The following GYS1 variants were observed in gnomAD, a reference collection of about 807,000 sequenced individuals.
The protein encoded by GYS1 is glycogen [starch] synthase, muscle.
GYS1 carries 60 observed loss-of-function variants against 89.1 expected under a neutral mutation model. The ratio of observed to expected loss-of-function variants is 0.67; its 90% CI spans 0.55 to 0.84. The LOEUF (loss-of-function observed/expected upper bound fraction) is 0.84, where lower values mean the gene tolerates loss of function less well. GYS1 is among the 40% of genes least tolerant of loss of function. GYS1 has a pLI of 0.00. For synonymous variants in GYS1, 366 were observed against 401.7 expected (o/e 0.91, Z 1.06); for missense variants, 888 against 1,003.1 (o/e 0.89, Z 1.55).
intron 6 of GYS1, 27 bp downstream of exon 6, chr19:48,982,691 CTT>C (rs1568622605): frequency 2.1e-6 from 3 of 1,452,228 alleles, no homozygotes; most frequent in Non-Finnish European, 2.9e-6. Flanking sequence ...GCCCTCCTCT[CTT>C]AAGACCTAGG....
intron 12 of GYS1, among the ~76,000 whole-genome samples, chr19:48,972,632 C>T (rs2038583397): frequency 2.6e-5 from 4 of 152,000 alleles, no homozygotes; most frequent in African/African-American, 9.6e-5. Context: ...GTGCCTGCCA[C>T]CACCCCCAGC....
In GYS1 at chr19:48,991,895, G is replaced by A. The variant is rs1026797464; in HGVS notation, c.119-412C>T. Among the ~76,000 whole-genome samples, 29 of 152,094 alleles carry A rather than the reference G, an allele frequency of 1.9e-4. No homozygotes were observed. The highest frequency in any genetic ancestry group is 6.0e-4 in the African/African-American group (25 of 41,466). ...AGCTCACAGGAGCTGGGTTTAAATCGCAGCCAGGCTCCAAAACCCAGTGAG... is the reference window on the plus strand; with the variant it reads ...AGCTCACAGGAGCTGGGTTTAAATCACAGCCAGGCTCCAAAACCCAGTGAG... On this transcript the variant is annotated intron_variant, in intron 1 of 15. Coordinates refer to ENST00000323798, the MANE Select transcript of GYS1 (RefSeq NM_002103.5). This position sits in a 1 kb window ranked among gnomAD's most constrained non-coding sequence, Gnocchi z 4.7.
chr19:48,978,163 G>C lies in GYS1; in HGVS notation c.1170-6C>G. The C allele has an allele frequency of 6.2e-7, 1 of 1,612,646 alleles. No homozygotes were observed. The highest frequency in any genetic ancestry group is 1.3e-5 in the African/African-American group (1 of 74,996). ...TCACCGTGTTGGCCGTGTCCCTGGA[G>C]GAAGCAGAGCAACAGGGTCACATAC... On this transcript the variant is annotated splice_polypyrimidine_tract_variant and splice_region_variant and intron_variant, in intron 8 of 15. Coordinates refer to ENST00000323798, the MANE Select transcript of GYS1 (RefSeq NM_002103.5).
At chr19:48,973,269 G>C (rs2038593530) in intron 12 of GYS1, among the ~76,000 whole-genome samples, 1 of 151,882 alleles carries the variant, frequency 6.6e-6, no homozygotes, top group Non-Finnish European at 1.5e-5. Context: ...GGCCTCTCCA[G>C]ACATGTGGAA....
rs1412438702 is a variant in GYS1 at position 48,982,295 on chromosome 19, A to G, written c.1022T>C (p.Val341Ala). The G allele has an allele frequency of 2.5e-6, 4 of 1,613,660 alleles. No individual in the cohort carries two copies. The highest frequency in any genetic ancestry group is 3.4e-6 in the Non-Finnish European group (4 of 1,179,816). The change falls in exon 7 of 16, where the codon GTC becomes GCC. Residue 341 changes from valine (V) to alanine (A), a missense_variant. Coordinates refer to ENST00000323798, the MANE Select transcript of GYS1 (RefSeq NM_002103.5). ...GAGCCGAGCCAATGCCTCCAGGAAG[A>G]CGTCAGCACCCTTGTTGGAGAACTC... ...RYEFSNKGAD[V>A]FLEALARLNY...
At position 48,970,978 on chromosome 19, in the gene GYS1, G is replaced by A; in HGVS notation, c.1595C>T (p.Ser532Phe). 6.2e-7 allele frequency: 1 copy of A among 1,614,098 alleles called. No homozygotes were observed. The change falls in exon 13 of 16, where the codon TCC (serine) becomes TTC (phenylalanine). Residue 532 changes from serine (S) to phenylalanine (F), a missense_variant. Coordinates refer to ENST00000323798, the MANE Select transcript of GYS1 (RefSeq NM_002103.5). ...TTCCTCCATGAAGCAGCCGAAGCCG[G>A]AGAGATTGGTGGAGATACTGGGGAT... The part of the protein sequence containing the change: ...MGIPSISTNL[S>F]GFGCFMEEHI...
At chr19:48,985,138 ACCT>A (rs969820908) in intron 5 of GYS1, among the ~76,000 whole-genome samples, 4 of 151,858 alleles carry the variant, frequency 2.6e-5, no homozygotes, top group Non-Finnish European at 4.4e-5. Context: ...TGCACCCTTG[ACCT>A]CCTAGGCTCG....
rs1410379473 is a variant in GYS1 at position 48,968,172 on chromosome 19, C to T, written c.*1116G>A. 2 of 451,066 alleles carry T rather than the reference C, an allele frequency of 4.4e-6. No homozygotes were observed. The highest frequency in any genetic ancestry group is 4.2e-5 in the African/African-American group (2 of 47,500). The allele number at this position is 451,066 out of a possible 1,614,324, so 27.9% of individuals were successfully genotyped here. A position where few individuals can be genotyped will look rare whatever the true frequency, so the allele number is the denominator to read the frequency against. On this transcript the variant is annotated 3_prime_UTR_variant, in exon 16 of 16. Coordinates refer to ENST00000323798, the MANE Select transcript of GYS1 (RefSeq NM_002103.5). Reference sequence around the variant, plus strand: ...ATTTTTTTCATCTCATCTCCGGACACACTCCAATCACACCCCTCCTGCCCT... The same window carrying T: ...ATTTTTTTCATCTCATCTCCGGACATACTCCAATCACACCCCTCCTGCCCT...
chr19:48,982,282 T>C lies in GYS1; in HGVS notation c.1035A>G (p.Ala345=). ...SNKGADVFLE[A]LARLNYLLRV... is the part of the protein sequence containing the mutation. ...TGAGCAGATAGTTGAGCCGAGCCAATGCCTCCAGGAAGACGTCAGCACCCT... is the reference window on the plus strand; with the variant it reads ...TGAGCAGATAGTTGAGCCGAGCCAACGCCTCCAGGAAGACGTCAGCACCCT... The change falls in exon 7 of 16, where the codon GCA becomes GCG. Residue 345 remains alanine (A), a synonymous_variant. Transcript: ENST00000323798. 2 of 1,613,830 alleles carry C rather than the reference T, an allele frequency of 1.2e-6. No homozygotes were observed. Among genetic ancestry groups the C allele is most frequent in the Non-Finnish European group, 1.7e-6 (2 of 1,179,870 alleles).
intron 13 of GYS1, 46 bp downstream of exon 13, chr19:48,970,882 T>G (rs1160279279): frequency 3.3e-6 from 5 of 1,498,586 alleles, no homozygotes; most frequent in African/African-American, 1.4e-5. Flanking sequence ...CAGGAGTCAC[T>G]GTTCTCAAGC....
intron 12 of GYS1, among the ~76,000 whole-genome samples, chr19:48,973,505 ATT>A (rs34032782): frequency 5.6e-4 from 67 of 120,588 alleles, no homozygotes; most frequent in African/African-American, 2.0e-3. Flanking sequence ...TTTAGCTTTA[ATT>A]TTTTTTTTTT....
chr19:48,968,515 G>A lies in GYS1; in HGVS notation c.*773C>T, dbSNP rs1001948871. The A allele has an allele frequency of 2.2e-6, 1 of 454,548 alleles. No individual in the cohort carries two copies. The allele number at this position is 454,548 out of a possible 1,614,324, so 28.2% of individuals were successfully genotyped here. A position where few individuals can be genotyped will look rare whatever the true frequency, so the allele number is the denominator to read the frequency against. On this transcript the variant is annotated 3_prime_UTR_variant, in exon 16 of 16. Coordinates refer to ENST00000323798, the MANE Select transcript of GYS1 (RefSeq NM_002103.5). ...GTCCTCTGCAGGCGGATTCCCTGGA[G>A]GGAGATCTCAGATTTAGAAAGGAAG...
Position 48,991,771 on chromosome 19 carries a change from T to C in GYS1, c.119-288A>G, listed in dbSNP as rs2038934003. Among the ~76,000 whole-genome samples the C allele has an allele frequency of 6.6e-6, 1 of 152,008 alleles. No individual in the cohort carries two copies. Among genetic ancestry groups the C allele is most frequent in the Non-Finnish European group, 1.5e-5 (1 of 67,960 alleles). On this transcript the variant is annotated intron_variant, in intron 1 of 15. Transcript: ENST00000323798. The surrounding 1 kb of genome is among the most constrained non-coding windows in gnomAD (Gnocchi z 4.7). Reference sequence around the variant, plus strand: ...CTTCTGGGTCTGAGAGAGAAGGGGCTGGGTGCCGGGACCCCTTGGTCTGAA... The same window carrying C: ...CTTCTGGGTCTGAGAGAGAAGGGGCCGGGTGCCGGGACCCCTTGGTCTGAA...
rs3745693 is a variant in GYS1, at chr19:48,968,838, C to A, written c.*450G>T. On this transcript the variant is annotated 3_prime_UTR_variant, in exon 16 of 16. Coordinates refer to ENST00000323798, the MANE Select transcript of GYS1 (RefSeq NM_002103.5). ...CGGCTCTGGACTTGATCGCCCCATT[C>A]GCAGGGACACCACGTGGTTTCCAGA... 1 of 459,262 alleles carries A rather than the reference C, an allele frequency of 2.2e-6. No homozygotes were observed. The highest frequency in any genetic ancestry group is 4.3e-6 in the Non-Finnish European group (1 of 230,678). 28.4% of individuals were successfully genotyped at this position (459,262 alleles called of 1,614,324 possible). A position where few individuals can be genotyped will look rare whatever the true frequency, so the allele number is the denominator to read the frequency against.
Position 48,969,630 on chromosome 19 carries a change from G to A in GYS1, c.1891-19C>T, listed in dbSNP as rs750737870. The A allele has an allele frequency of 3.5e-5, 54 of 1,553,702 alleles. No individual in the cohort carries two copies. The East Asian group carries it at 6.7e-4, about 19-fold the overall frequency. On this transcript the variant is annotated intron_variant, in intron 15 of 15. Coordinates refer to ENST00000323798, the MANE Select transcript of GYS1 (RefSeq NM_002103.5). ...CCTGGGCCTGCATACGGCGATGTGGGTGCAAACCAGGGTGAGCTGAGGACC... is the reference window on the plus strand; with the variant it reads ...CCTGGGCCTGCATACGGCGATGTGGATGCAAACCAGGGTGAGCTGAGGACC...
rs558266450 is a variant in GYS1 at position 48,993,304 on chromosome 19, G to C, written c.-192C>G. 3.4e-5 allele frequency: 22 copies of C among 651,706 alleles called. No individual in the cohort carries two copies. The African/African-American group carries it at 3.6e-4, about 11-fold the overall frequency. 40.4% of individuals were successfully genotyped at this position (651,706 alleles called of 1,614,324 possible). ...GACCTAGGCAGAAGGAGGCCGCAGC[G>C]TCACTGAGCCCACTGGCGCCCCTGC... On this transcript the variant is annotated 5_prime_UTR_variant, in exon 1 of 16. Coordinates refer to ENST00000323798, the MANE Select transcript of GYS1 (RefSeq NM_002103.5).
Position 48,970,656 on chromosome 19 carries a change from G to A in GYS1, c.1699C>T (p.Leu567Phe), listed in dbSNP as rs1431717856. ...FRSLDDSCSQ[L>F]TSFLYSFCQQ... ...CAGAAACTGTAGAGGAAGGAGGTGA[G>A]CTGCGAGCAGGAATCATCCAGGCTG... Residue 567 changes from leucine (L) to phenylalanine (F), a missense_variant, in exon 14 of 16, where the codon CTC becomes TTC. By Grantham distance (22) the Leu-to-Phe change is conservative. Coordinates refer to ENST00000323798, the MANE Select transcript of GYS1 (RefSeq NM_002103.5). 6.2e-7 allele frequency: 1 copy of A among 1,605,154 alleles called. No homozygotes were observed. Among genetic ancestry groups the A allele is most frequent in the East Asian group, 2.2e-5 (1 of 44,836 alleles).
rs921069795 is a variant in GYS1, at chr19:48,991,062, A to C, written c.300+240T>G. ...GGGTCTGAGGACCTTGGCCTCTTGG[A>C]TCTCCGTCTCAGTCTGTCTCATACT... On this transcript the variant is annotated intron_variant, in intron 2 of 15. Coordinates refer to ENST00000323798, the MANE Select transcript of GYS1 (RefSeq NM_002103.5). This position sits in a 1 kb window ranked among gnomAD's most constrained non-coding sequence, Gnocchi z 4.7. Among the ~76,000 whole-genome samples the C allele has an allele frequency of 6.6e-6, 1 of 151,988 alleles. No homozygotes were observed. The highest frequency in any genetic ancestry group is 2.4e-5 in the African/African-American group (1 of 41,358).
In GYS1 at chr19:48,985,981, A is replaced by G. The variant is rs147264448; in HGVS notation, c.547T>C (p.Leu183=). 58 of 1,614,102 alleles carry G rather than the reference A, an allele frequency of 3.6e-5. No individual in the cohort carries two copies. The highest frequency in any genetic ancestry group is 4.8e-5 in the Non-Finnish European group (57 of 1,180,052). The change falls in exon 4 of 16, where the codon TTG becomes CTG. Residue 183 remains leucine, a synonymous_variant. Coordinates refer to ENST00000323798, the MANE Select transcript of GYS1 (RefSeq NM_002103.5). ...CACAGGCAGAGTCCAACGCCTGCCA[A>G]CCACTCATGGAAGTGAGCAACCACA... is the stretch of plus-strand genomic sequence containing the variant. The part of the protein sequence containing the change: ...PHVVAHFHEW[L]AGVGLCLCRA...
Sources: allele counts gnomAD v4.1 joint callset (sites outside exome capture counted in the v4.1 genomes callset), GRCh38; gene constraint gnomAD v4.1.1; non-coding constraint Gnocchi (gnomAD v3.1); transcripts MANE v1.5; gene names NCBI Gene and HGNC (gene_info 2026-07-23, HGNC 2026-07-21).